Variants in CHAT observed in about 807,000 individuals in gnomAD.
The protein encoded by CHAT is choline O-acetyltransferase, also known as acetyl CoA:choline O-acetyltransferase.
A neutral mutation model predicts 76.9 loss-of-function variants in CHAT; 61 were observed. That is an observed-to-expected ratio of 0.79 (90% CI 0.65 to 0.98). The LOEUF (loss-of-function observed/expected upper bound fraction) is 0.98, where lower values mean the gene tolerates loss of function less well. Ranked by LOEUF, CHAT falls within the 50% of genes least tolerant of loss-of-function variation. The pLI is 0.00. For missense variants in CHAT, 946 were observed against 986.9 expected, an observed-to-expected ratio of 0.96 and a Z score of 0.56; for synonymous variants, 407 against 397.4, an observed-to-expected ratio of 1.02 and a Z score of -0.29.
chr10:49,651,841 T>C (rs1410671802), intron 10 of CHAT, 43 bp from the exon 11 acceptor site: 2 of 1,587,108 alleles, frequency 1.3e-6, no homozygotes, highest in Non-Finnish European at 1.7e-6. Flanking sequence ...GCATGCATAC[T>C]GTTTTGCATG....
intron 10 of CHAT, among the ~76,000 whole-genome samples, chr10:49,650,287 G>C (rs1463334643): frequency 6.6e-6 from 1 of 152,188 alleles, no homozygotes; most frequent in Non-Finnish European, 1.5e-5. Flanking sequence ...AGAAAGTTAA[G>C]TACCATGGGA....
chr10:49,618,586 T>C (rs532084399), intron 2 of CHAT, among the ~76,000 whole-genome samples: 1 of 152,270 alleles, frequency 6.6e-6, no homozygotes, highest in East Asian at 1.9e-4. Flanking sequence ...TAGTCTGCCA[T>C]CAGATTTGTA....
In CHAT at chr10:49,667,270, G is replaced by T. The variant is rs1224104831; in HGVS notation, c.*2224G>T. Among the ~76,000 whole-genome samples, 1 of 152,180 alleles carries T rather than the reference G, an allele frequency of 6.6e-6. No homozygotes were observed. The highest frequency in any genetic ancestry group is 1.5e-5 in the Non-Finnish European group (1 of 68,024). ...CATGCTATCATGGGGTCAAGTAGGG[G>T]CAGGGAGGCTTCATGGGGCCTACCT... On this transcript the variant is annotated 3_prime_UTR_variant, in exon 15 of 15. Coordinates refer to ENST00000337653, the MANE Select transcript of CHAT (RefSeq NM_020549.5).
At chr10:49,646,364 TG>T (rs1042566023) in intron 7 of CHAT, 140 bp from the exon 8 acceptor site, 14 of 1,035,274 alleles carry the variant, frequency 1.4e-5, no homozygotes, top group East Asian at 1.2e-4. Flanking sequence ...TGGGGCAAGG[TG>T]GGGGGTCAGG....
Position 49,620,516 on chromosome 10 carries a change from G to T in CHAT, c.601G>T (p.Asp201Tyr), listed in dbSNP as rs1316702246. 7 of 1,613,472 alleles carry T rather than the reference G, an allele frequency of 4.3e-6. No homozygotes were observed. The African/African-American group carries it at 9.3e-5, about 22-fold the overall frequency. Reference sequence around the variant, plus strand: ...GCAGGTGTCTGAGTACTGGCTGAATGACATGTATCTCAACAACCGCCTGGC... The same window carrying T: ...GCAGGTGTCTGAGTACTGGCTGAATTACATGTATCTCAACAACCGCCTGGC... ...ANWVSEYWLNDMYLNNRLALP... is the reference protein window; with the variant it reads ...ANWVSEYWLNYMYLNNRLALP... The change falls in exon 4 of 15, where the codon GAC (aspartate) becomes TAC (tyrosine). Residue 201 changes from aspartate (D) to tyrosine (Y), a missense_variant. Physicochemically the swap from Asp to Tyr is radical, Grantham distance 160. Transcript: ENST00000337653.
chr10:49,615,431 C>T (rs947043744), intron 1 of CHAT, among the ~76,000 whole-genome samples: 1 of 152,150 alleles, frequency 6.6e-6, no homozygotes, highest in African/African-American at 2.4e-5. Context: ...GCAAGGCAGC[C>T]CCAGGCTCCT....
chr10:49,611,789 C>T (rs777372251), upstream of CHAT: 30 of 1,602,786 alleles, frequency 1.9e-5, no homozygotes, highest in Non-Finnish European at 2.3e-5. Flanking sequence ...CGCCTGGCGG[C>T]GCGCTACCCA....
At chr10:49,624,521 C>T (rs893437406) in intron 5 of CHAT, among the ~76,000 whole-genome samples, 4 of 152,218 alleles carry the variant, frequency 2.6e-5, no homozygotes, top group African/African-American at 9.6e-5. Flanking sequence ...CTCTGTCTCA[C>T]TACCTGACAG....
intron 6 of CHAT, among the ~76,000 whole-genome samples, chr10:49,626,336 C>T (rs1347775215): frequency 6.6e-6 from 1 of 152,224 alleles, no homozygotes; most frequent in Non-Finnish European, 1.5e-5. Context: ...CTATATATTC[C>T]ATATATTGAG....
At chr10:49,648,633 T>G (rs1008640621) in intron 9 of CHAT, 26 bp downstream of exon 9, 8 of 1,530,460 alleles carry the variant, frequency 5.2e-6, no homozygotes, top group Non-Finnish European at 4.5e-6. Context: ...AGGGCTGCCA[T>G]GCTGGGCCCA....
intron 14 of CHAT, among the ~76,000 whole-genome samples, chr10:49,664,568 G>T (rs1840293120): frequency 6.6e-6 from 1 of 152,222 alleles, no homozygotes; most frequent in African/African-American, 2.4e-5. Context: ...GCACACCAGG[G>T]AGTGGGCTTG....
Position 49,614,157 on chromosome 10 carries a change from G to A in CHAT, c.-33G>A. 1 of 1,545,682 alleles carries A rather than the reference G, an allele frequency of 6.5e-7. No homozygotes were observed. The highest frequency in any genetic ancestry group is 8.7e-7 in the Non-Finnish European group (1 of 1,146,306). ...TCCGGGTAGATTCTGGGGGCCGGGA[G>A]CTGAGATCCCTGGGCGGGGAGCTGG... On this transcript the variant is annotated 5_prime_UTR_variant, in exon 1 of 15. Coordinates refer to ENST00000337653, the MANE Select transcript of CHAT (RefSeq NM_020549.5).
intron 13 of CHAT, among the ~76,000 whole-genome samples, chr10:49,659,186 C>T (rs1840117698): frequency 6.6e-6 from 1 of 152,150 alleles, no homozygotes; most frequent in Non-Finnish European, 1.5e-5. Context: ...AGAGTAGTGT[C>T]TTCAAATTCT....
intron 7 of CHAT, among the ~76,000 whole-genome samples, chr10:49,644,542 G>A (rs1241890226): frequency 6.6e-6 from 1 of 152,212 alleles, no homozygotes; most frequent in Non-Finnish European, 1.5e-5. Context: ...GCCATGCAGA[G>A]AGTGAGGAGG....
upstream of CHAT, among the ~76,000 whole-genome samples, chr10:49,609,774 G>T (rs1043970446): frequency 1.3e-5 from 2 of 152,160 alleles, no homozygotes; most frequent in Non-Finnish European, 1.5e-5. Flanking sequence ...CGGAGAAAGG[G>T]TTGGGGGTGT....
At chr10:49,634,791 C>A (rs925183116) in intron 7 of CHAT, among the ~76,000 whole-genome samples, 3 of 152,136 alleles carry the variant, frequency 2.0e-5, no homozygotes, top group African/African-American at 7.2e-5. Context: ...CCTGACAGCT[C>A]TTTATACCCT....
Position 49,667,797 on chromosome 10 carries a change from C to A in CHAT, c.*2751C>A, listed in dbSNP as rs566073246. Among the ~76,000 whole-genome samples the A allele has an allele frequency of 6.6e-6, 1 of 152,104 alleles. No individual in the cohort carries two copies. Among genetic ancestry groups the A allele is most frequent in the South Asian group, 2.1e-4 (1 of 4,820 alleles). ...AGTTCTAGATTTATGGCAATATAAA[C>A]GTGTATAGCCTTTTGATTTTAATTT... On this transcript the variant is annotated 3_prime_UTR_variant, in exon 15 of 15. Transcript: ENST00000337653.
intron 1 of CHAT, chr10:49,615,832 A>G (rs1026085691): frequency 6.8e-6 from 4 of 586,004 alleles, no homozygotes; most frequent in Non-Finnish European, 1.2e-5. Flanking sequence ...CTCCCTGGGC[A>G]CTCCTATGGC....
At chr10:49,610,071 A>C (rs1474001353), upstream of CHAT, among the ~76,000 whole-genome samples, 1 of 151,294 alleles carries the variant, frequency 6.6e-6, no homozygotes, top group Non-Finnish European at 1.5e-5. Flanking sequence ...CCGGCGCGGA[A>C]CGCCCATCCC....
Sources: gnomAD v4.1 joint callset for allele counts (sites outside exome capture counted in the v4.1 genomes callset) on GRCh38, gnomAD v4.1.1 for gene constraint, MANE v1.5 for transcripts, NCBI Gene and HGNC (gene_info 2026-07-23, HGNC 2026-07-21) for gene names.